The following KALRN variants were observed in gnomAD, a reference collection of about 807,000 sequenced individuals.
The protein encoded by KALRN is kalirin RhoGEF kinase.
In KALRN, 70 loss-of-function variants were observed where a neutral mutation model predicts 353.7. The ratio of observed to expected loss-of-function variants is 0.20; its 90% CI spans 0.16 to 0.24. KALRN has a LOEUF of 0.24. Among genes scored for constraint, KALRN ranks in the 10% least tolerant of loss-of-function variants. The pLI, the probability that KALRN is intolerant of heterozygous loss-of-function variation, is 1.00. For synonymous variants in KALRN, 1,391 were observed against 1,434.8 expected, an observed-to-expected ratio of 0.97 and a Z score of 0.69; for missense variants, 2,791 against 3,756.7, an observed-to-expected ratio of 0.74 and a Z score of 6.72.
intron 10 of KALRN, among the ~76,000 whole-genome samples, chr3:124,383,769 C>T (rs1346096122): frequency 6.6e-6 from 1 of 152,160 alleles, no homozygotes; most frequent in East Asian, 1.9e-4. Flanking sequence ...CAGTCCATAG[C>T]ACCCAGGTCT....
intron 2 of KALRN, among the ~76,000 whole-genome samples, chr3:124,230,485 T>A (rs555636731): frequency 2.6e-5 from 4 of 152,294 alleles, no homozygotes; most frequent in African/African-American, 7.2e-5. Flanking sequence ...TTTTTTCCCA[T>A]GTAAATTCAG....
At chr3:124,575,709 A>G (rs1328880397) in intron 34 of KALRN, among the ~76,000 whole-genome samples, 2 of 152,138 alleles carry the variant, frequency 1.3e-5, no homozygotes, top group Admixed American at 1.3e-4. Flanking sequence ...CACTTTCTCC[A>G]TCTTCAAAGC....
At chr3:124,650,781 T>C (rs764685777) in intron 37 of KALRN, 27 bp from the exon 38 acceptor site, 2 of 1,526,930 alleles carry the variant, frequency 1.3e-6, no homozygotes, top group African/African-American at 5.1e-5. Context: ...AGTACACTTC[T>C]CTAAGCCTGT....
At chr3:124,492,694 G>T (rs1042131068) in intron 31 of KALRN, 46 bp from the exon 32 acceptor site, 1 of 1,599,898 alleles carries the variant, frequency 6.3e-7, no homozygotes, top group Admixed American at 1.7e-5. Flanking sequence ...TTTTGGTAAG[G>T]TGATGGGAGT....
At chr3:124,661,960 C>G (rs1365801594) in intron 45 of KALRN, 32 bp downstream of exon 45, 1 of 1,552,626 alleles carries the variant, frequency 6.4e-7, no homozygotes, top group East Asian at 2.2e-5. Flanking sequence ...TAAGCCCACT[C>G]TCTCCAGGAC....
intron 9 of KALRN, among the ~76,000 whole-genome samples, chr3:124,340,955 CAAAAAA>C (rs1056759592): frequency 6.6e-6 from 1 of 151,234 alleles, no homozygotes. Flanking sequence ...GACTTCATTT[CAAAAAA>C]AAGAAAAAGA....
At chr3:124,280,319 A>G (rs2075215594) in intron 5 of KALRN, among the ~76,000 whole-genome samples, 1 of 152,150 alleles carries the variant, frequency 6.6e-6, no homozygotes, top group South Asian at 2.1e-4. Flanking sequence ...CCAGCAGGCC[A>G]GAATCTACCC....
At chr3:124,332,080 T>G (rs994949586) in intron 8 of KALRN, among the ~76,000 whole-genome samples, 1 of 152,144 alleles carries the variant, frequency 6.6e-6, no homozygotes, top group Non-Finnish European at 1.5e-5. Context: ...CTGCATTATG[T>G]ATAAGCTACT....
At chr3:124,091,457 T>A in intron 1 of KALRN, among the ~76,000 whole-genome samples, 1 of 152,214 alleles carries the variant, frequency 6.6e-6, no homozygotes, top group East Asian at 1.9e-4. Flanking sequence ...CCCTCCGTGC[T>A]GCTTGCCTTC....
intron 25 of KALRN, among the ~76,000 whole-genome samples, chr3:124,473,247 G>C (rs771158138): frequency 6.6e-6 from 1 of 152,214 alleles, no homozygotes; most frequent in African/African-American, 2.4e-5. Flanking sequence ...GCTAGGTAAA[G>C]TTAGTCAAAT....
intron 9 of KALRN, among the ~76,000 whole-genome samples, chr3:124,345,405 C>T (rs922007445): frequency 3.9e-5 from 6 of 152,130 alleles, no homozygotes; most frequent in African/African-American, 1.4e-4. Context: ...AAAATATACT[C>T]TCCTGATTTT....
intron 5 of KALRN, among the ~76,000 whole-genome samples, chr3:124,285,567 C>T (rs1339836435): frequency 6.6e-6 from 1 of 152,154 alleles, no homozygotes; most frequent in African/African-American, 2.4e-5. Flanking sequence ...CAGAGTTTCA[C>T]TCTTGTTGCC....
At chr3:124,038,245 G>T (rs539789605) in intron 1 of KALRN, among the ~76,000 whole-genome samples, 1 of 152,242 alleles carries the variant, frequency 6.6e-6, no homozygotes, top group Admixed American at 6.5e-5. Flanking sequence ...GAGTGCTGGG[G>T]CATGATGAAA....
intron 14 of KALRN, among the ~76,000 whole-genome samples, chr3:124,421,552 A>G (rs1466351377): frequency 1.3e-5 from 2 of 152,224 alleles, no homozygotes; most frequent in East Asian, 3.9e-4. Flanking sequence ...TTTACATATG[A>G]GCAAAATGAG....
intron 30 of KALRN, 99 bp from the exon 31 acceptor site, chr3:124,491,224 G>A (rs911395502): frequency 5.7e-6 from 4 of 699,236 alleles, no homozygotes; most frequent in African/African-American, 3.6e-5. Flanking sequence ...CCCCTCCCTC[G>A]GTCCTCTCCT....
chr3:124,243,353 C>A (rs900024992), intron 3 of KALRN, among the ~76,000 whole-genome samples: 1 of 152,082 alleles, frequency 6.6e-6, no homozygotes, highest in African/African-American at 2.4e-5. Flanking sequence ...GCTTCAAATG[C>A]GGAGAGACAC....
intron 1 of KALRN, among the ~76,000 whole-genome samples, chr3:124,071,439 T>C (rs1369601712): frequency 6.6e-6 from 1 of 152,234 alleles, no homozygotes; most frequent in Non-Finnish European, 1.5e-5. Flanking sequence ...GCTTGGGTTC[T>C]TTTCATCAAC....
At chr3:124,281,505 C>A (rs1314103911) in intron 5 of KALRN, among the ~76,000 whole-genome samples, 2 of 152,180 alleles carry the variant, frequency 1.3e-5, no homozygotes, top group East Asian at 3.9e-4. Context: ...TTGCACATTC[C>A]CACCTTTTCA....
At chr3:124,092,875 C>T (rs923003131) in intron 1 of KALRN, among the ~76,000 whole-genome samples, 10 of 152,112 alleles carry the variant, frequency 6.6e-5, no homozygotes, top group Admixed American at 1.3e-4. Flanking sequence ...CACATGTGAG[C>T]GATGGATTCT....
Sources: allele counts gnomAD v4.1 joint callset (sites outside exome capture counted in the v4.1 genomes callset), GRCh38; gene constraint gnomAD v4.1.1; transcripts MANE v1.5; gene names NCBI Gene and HGNC (gene_info 2026-07-23, HGNC 2026-07-21).